Variants in SNTG1 observed in about 807,000 individuals in gnomAD.
SNTG1 encodes the protein syntrophin gamma 1, also known as gamma-1-syntrophin.
A neutral mutation model predicts 74.7 loss-of-function variants in SNTG1; 39 were observed. The observed-to-expected ratio is 0.52, with a 90% CI of 0.40 to 0.68. SNTG1 has a LOEUF of 0.68. Ranked by LOEUF, SNTG1 falls within the 30% of genes least tolerant of loss-of-function variation. SNTG1 has a pLI of 0.00. For missense variants in SNTG1, 685 were observed against 609.5 expected (o/e 1.12, Z -1.30); for synonymous variants, 254 against 217.1 (o/e 1.17, Z -1.49).
intron 11 of SNTG1, among the ~76,000 whole-genome samples, chr8:50,549,282 A>C (rs569434432): frequency 4.2e-4 from 64 of 152,258 alleles, no homozygotes; most frequent in African/African-American, 1.5e-3. Context: ...CAGGCCTGCT[A>C]TGTGTGGATT....
At chr8:50,162,559 CA>C (rs34746562) in intron 1 of SNTG1, among the ~76,000 whole-genome samples, 31,781 of 83,698 alleles carry the variant, frequency 0.38, 3,308 homozygotes, top group Middle Eastern at 0.51. Flanking sequence ...GACTCTGTCT[CA>C]AAAAAAAAAA....
chr8:49,927,840 G>A (rs1271419355), intron 1 of SNTG1, among the ~76,000 whole-genome samples: 3 of 152,000 alleles, frequency 2.0e-5, no homozygotes, highest in Non-Finnish European at 4.4e-5. Flanking sequence ...CTTTGGGGCT[G>A]GGAGTGGTGG....
chr8:50,437,693 G>A (rs1388865378), intron 4 of SNTG1, among the ~76,000 whole-genome samples: 2 of 152,282 alleles, frequency 1.3e-5, no homozygotes, highest in South Asian at 4.1e-4. Context: ...ATTCTGCATA[G>A]GGGAATGTTC....
At chr8:50,494,171 A>G (rs529041345) in intron 8 of SNTG1, among the ~76,000 whole-genome samples, 1 of 151,878 alleles carries the variant, frequency 6.6e-6, no homozygotes, top group South Asian at 2.1e-4. Context: ...ATATGTACAC[A>G]CACACATACA....
intron 2 of SNTG1, among the ~76,000 whole-genome samples, chr8:50,198,517 A>C (rs1311281757): frequency 1.3e-5 from 2 of 152,174 alleles, no homozygotes; most frequent in African/African-American, 2.4e-5. Context: ...TCAAATCTAC[A>C]GGGCTCTGCA....
At chr8:50,542,935 A>G (rs2625750) in intron 11 of SNTG1, among the ~76,000 whole-genome samples, 21,216 of 152,026 alleles carry the variant, frequency 0.14, 1,606 homozygotes, top group African/African-American at 0.19. Context: ...TTTAAGTCAG[A>G]TTTTTTATTG....
intron 1 of SNTG1, among the ~76,000 whole-genome samples, chr8:49,948,181 C>T (rs887812200): frequency 3.9e-5 from 6 of 152,026 alleles, no homozygotes; most frequent in Non-Finnish European, 8.8e-5. Flanking sequence ...CTTAATTATT[C>T]TCTCCCTTTT....
At chr8:50,167,882 TGAGA>T (rs977528069) in intron 1 of SNTG1, among the ~76,000 whole-genome samples, 4 of 151,796 alleles carry the variant, frequency 2.6e-5, no homozygotes, top group African/African-American at 9.7e-5. Flanking sequence ...AGTATTATTT[TGAGA>T]GAGATTTAGA....
At chr8:50,508,471 T>C (rs1347746588) in intron 9 of SNTG1, among the ~76,000 whole-genome samples, 2 of 152,200 alleles carry the variant, frequency 1.3e-5, no homozygotes, top group African/African-American at 4.8e-5. Flanking sequence ...GTATTTCTAG[T>C]TCTAGATCCC....
intron 2 of SNTG1, among the ~76,000 whole-genome samples, chr8:50,280,898 A>C (rs2088403694): frequency 1.3e-5 from 2 of 151,428 alleles, no homozygotes; most frequent in South Asian, 4.2e-4. Context: ...TCACGCCTGT[A>C]ATCCCAGCAC....
chr8:50,484,144 CTTT>C, intron 8 of SNTG1, among the ~76,000 whole-genome samples: 15 of 101,270 alleles, frequency 1.5e-4, no homozygotes, highest in African/African-American at 4.9e-4. Context: ...TTCCTTCTTT[CTTT>C]CTTTCCTTCC....
rs543415653 is a variant in SNTG1, at chr8:50,278,748, T to C, written c.-28+106113T>C. Among the ~76,000 whole-genome samples, 16 of 152,148 alleles carry C rather than the reference T, an allele frequency of 1.1e-4. 1 individual carries two copies. The highest frequency in any genetic ancestry group is 3.9e-4 in the African/African-American group (16 of 41,548). ...TTTTTAAACCTTAAATTGAATCAAG[T>C]ACAGTTACATATCTAAAGAAACAAA... is the stretch of plus-strand genomic sequence containing the variant. On this transcript the variant is annotated intron_variant, in intron 2 of 18. Transcript: ENST00000642720.
upstream of SNTG1, chr8:49,911,200 T>A (rs1805560660): frequency 6.6e-6 from 1 of 152,248 alleles, no homozygotes; most frequent in Admixed American, 6.5e-5. Context: ...AAAATTTGAA[T>A]GTGGTCCCCT....
At chr8:50,105,646 T>G (rs374264724) in intron 1 of SNTG1, among the ~76,000 whole-genome samples, 111 of 152,278 alleles carry the variant, frequency 7.3e-4, no homozygotes, top group African/African-American at 2.5e-3. Flanking sequence ...TTTGACAGCA[T>G]CAATTCTTCC....
chr8:50,785,024 G>A (rs562698870), intron 18 of SNTG1, among the ~76,000 whole-genome samples: 1 of 152,112 alleles, frequency 6.6e-6, no homozygotes, highest in South Asian at 2.1e-4. Context: ...ATCTCATCAT[G>A]CTAAAACATA....
At chr8:50,290,238 A>G (rs1024200303) in intron 2 of SNTG1, among the ~76,000 whole-genome samples, 2 of 152,148 alleles carry the variant, frequency 1.3e-5, no homozygotes, top group African/African-American at 4.8e-5. Flanking sequence ...TCTGGAGTTA[A>G]TGTAAAAAAC....
intron 17 of SNTG1, among the ~76,000 whole-genome samples, chr8:50,737,960 T>C (rs138027288): frequency 0.059 from 8,974 of 152,138 alleles, 306 homozygotes; most frequent in Non-Finnish European, 0.071. Context: ...TCATACTGAA[T>C]GGGCAAAAGT....
chr8:50,774,435 A>C (rs980891243), intron 18 of SNTG1, among the ~76,000 whole-genome samples: 1 of 151,888 alleles, frequency 6.6e-6, no homozygotes, highest in Non-Finnish European at 1.5e-5. Flanking sequence ...GGAAGTTAGA[A>C]GGTAATAGAA....
At chr8:49,919,026 C>T (rs370593951) in intron 1 of SNTG1, among the ~76,000 whole-genome samples, 2 of 152,080 alleles carry the variant, frequency 1.3e-5, no homozygotes, top group East Asian at 1.9e-4. Flanking sequence ...TTCCAAAGTA[C>T]GGTTTGCCTA....
Sources: gnomAD v4.1 joint callset for allele counts (sites outside exome capture counted in the v4.1 genomes callset) on GRCh38, gnomAD v4.1.1 for gene constraint, MANE v1.5 for transcripts, NCBI Gene and HGNC (gene_info 2026-07-23, HGNC 2026-07-21) for gene names.